The following SH3RF1 variants were observed in gnomAD, a reference collection of about 807,000 sequenced individuals.
SH3RF1 encodes the protein SH3 domain containing ring finger 1.
A neutral mutation model predicts 74.0 loss-of-function variants in SH3RF1; 32 were observed. That is an observed-to-expected ratio of 0.43 (90% CI 0.33 to 0.58). The LOEUF (loss-of-function observed/expected upper bound fraction) is 0.58. Ranked by LOEUF, SH3RF1 falls within the 20% of genes least tolerant of loss-of-function variation. The probability of loss-of-function intolerance (pLI) is 0.05; values close to 1 mark genes in which losing one functional copy is unlikely to be tolerated. For missense variants in SH3RF1, 954 were observed against 1,130.9 expected (o/e 0.84, Z 2.24); for synonymous variants, 396 against 439.6 (o/e 0.90, Z 1.24).
chr4:169,195,807 TTTGTCTTTGC>T (rs1442772552), intron 2 of SH3RF1, among the ~76,000 whole-genome samples: 1 of 152,162 alleles, frequency 6.6e-6, no homozygotes, highest in African/African-American at 2.4e-5. Flanking sequence ...CTCTTGAATT[TTTGTCTTTGC>T]TTGAAAACAG....
chr4:169,250,248 T>C (rs1731078753), intron 2 of SH3RF1, among the ~76,000 whole-genome samples: 1 of 152,160 alleles, frequency 6.6e-6, no homozygotes, highest in Non-Finnish European at 1.5e-5. Flanking sequence ...AAAGGATTTG[T>C]ATTCATTTCT....
intron 2 of SH3RF1, among the ~76,000 whole-genome samples, chr4:169,211,565 G>A (rs1384827221): frequency 6.6e-6 from 1 of 151,792 alleles, no homozygotes; most frequent in African/African-American, 2.4e-5. Context: ...AGAATAAGCA[G>A]GTTATCGCAA....
intron 6 of SH3RF1, among the ~76,000 whole-genome samples, chr4:169,128,912 A>G (rs887025292): frequency 1.3e-5 from 2 of 152,342 alleles, no homozygotes; most frequent in East Asian, 3.8e-4. Context: ...CCGAGCCCAA[A>G]AAGGAGATCA....
At chr4:169,265,504 G>A (rs527712936) in intron 2 of SH3RF1, among the ~76,000 whole-genome samples, 9 of 145,152 alleles carry the variant, frequency 6.2e-5, no homozygotes, top group East Asian at 5.9e-4. Flanking sequence ...ATGGAGTTTC[G>A]CTCTTTTTGG....
Position 169,155,548 on chromosome 4 carries a change from C to T in SH3RF1, c.697G>A (p.Val233Met). Residue 233 changes from valine to methionine, a missense_variant, in exon 4 of 12, where the codon GTG becomes ATG. This residue lies in a region of SH3RF1 where 854 missense variants were observed against 962.5 expected (regional missense o/e 0.89). Coordinates refer to ENST00000284637, the MANE Select transcript of SH3RF1 (RefSeq NM_020870.4). ...ATTCCTTCAGCCCAGTTTTCATCCA[C>T]TCTTCGGATCACAGTCAGAACATCA... ...KDDVLTVIRR[V>M]DENWAEGMLA... 6.2e-7 allele frequency: 1 copy of T among 1,613,678 alleles called. No homozygotes were observed. Among genetic ancestry groups the T allele is most frequent in the Non-Finnish European group, 8.5e-7 (1 of 1,179,614 alleles).
chr4:169,152,513 G>A lies in SH3RF1; in HGVS notation c.765+2967C>T, dbSNP rs1028067708. On this transcript the variant is annotated intron_variant, in intron 4 of 11. Coordinates refer to ENST00000284637, the MANE Select transcript of SH3RF1 (RefSeq NM_020870.4). ...AGCACTTTGGGAGGCAGAGGCAGGC[G>A]GATCACCTAAGGTCAGGAGTTCGAG... 6.6e-4 allele frequency among the ~76,000 whole-genome samples: 101 copies of A among 152,218 alleles called. 1 individual carries two copies. Among genetic ancestry groups the A allele is most frequent in the African/African-American group, 2.3e-3 (96 of 41,548 alleles).
At chr4:169,178,778 T>C (rs1408379244) in intron 2 of SH3RF1, among the ~76,000 whole-genome samples, 1 of 152,190 alleles carries the variant, frequency 6.6e-6, no homozygotes, top group African/African-American at 2.4e-5. Flanking sequence ...CTCAGTCTTT[T>C]CCCATTCTTA....
At chr4:169,249,937 T>C (rs1449579862) in intron 2 of SH3RF1, among the ~76,000 whole-genome samples, 2 of 152,152 alleles carry the variant, frequency 1.3e-5, no homozygotes, top group African/African-American at 4.8e-5. Flanking sequence ...GCCCACAATA[T>C]GGTTGTATTA....
intron 2 of SH3RF1, among the ~76,000 whole-genome samples, chr4:169,187,074 T>G (rs927700481): frequency 3.3e-5 from 5 of 151,958 alleles, no homozygotes; most frequent in African/African-American, 9.7e-5. Context: ...AAGGCTTCTA[T>G]TTTACACAAA....
At chr4:169,129,906 A>T in intron 6 of SH3RF1, 140 bp downstream of exon 6, 3 of 688,648 alleles carry the variant, frequency 4.4e-6, no homozygotes, top group East Asian at 6.0e-5. Flanking sequence ...TAAGATTAAC[A>T]GAGATAATAG....
At chr4:169,108,947 T>C (rs537136975) in intron 10 of SH3RF1, among the ~76,000 whole-genome samples, 1 of 152,336 alleles carries the variant, frequency 6.6e-6, no homozygotes, top group African/African-American at 2.4e-5. Context: ...AAAGGATATG[T>C]TGGATTCCCC....
At chr4:169,131,823 C>T (rs376777943) in intron 5 of SH3RF1, among the ~76,000 whole-genome samples, 97 of 152,320 alleles carry the variant, frequency 6.4e-4, no homozygotes, top group African/African-American at 2.1e-3. Flanking sequence ...CTGTCCTCAA[C>T]CATTGATTGT....
chr4:169,259,522 G>A (rs1022751906), intron 2 of SH3RF1, among the ~76,000 whole-genome samples: 19 of 152,138 alleles, frequency 1.2e-4, no homozygotes, highest in African/African-American at 4.1e-4. Flanking sequence ...AGACATATAC[G>A]CGACAAAAGG....
At position 169,269,161 on chromosome 4, in the gene SH3RF1, G is replaced by A. The variant is rs773149462; in HGVS notation, c.52C>T (p.Arg18Cys). ...AAGACCTTCGCAGAAGCATCAAGGC[G>A]CTCTAGACACACCGGACACTCCAAA... ...DLLECPVCLE[R>C]LDASAKVLPC... Residue 18 changes from arginine to cysteine, a missense_variant, in exon 2 of 12, where the codon CGC becomes TGC. By Grantham distance (180) the Arg-to-Cys change is radical (BLOSUM62 -3). Transcript: ENST00000284637. 3 of 1,610,142 alleles carry A rather than the reference G, an allele frequency of 1.9e-6. No individual in the cohort carries two copies. Among genetic ancestry groups the A allele is most frequent in the South Asian group, 1.1e-5 (1 of 90,968 alleles).
At chr4:169,161,215 T>C (rs1734144159) in intron 2 of SH3RF1, among the ~76,000 whole-genome samples, 1 of 152,252 alleles carries the variant, frequency 6.6e-6, no homozygotes, top group East Asian at 1.9e-4. Context: ...CTGCCAGCTT[T>C]ATCAAAAAGC....
chr4:169,194,852 G>A (rs1263591269), intron 2 of SH3RF1, among the ~76,000 whole-genome samples: 3 of 152,148 alleles, frequency 2.0e-5, no homozygotes, highest in Admixed American at 2.0e-4. Context: ...CACACTTTGT[G>A]GGTATAGTGG....
At chr4:169,176,432 T>C (rs1342677091) in intron 2 of SH3RF1, among the ~76,000 whole-genome samples, 1 of 152,190 alleles carries the variant, frequency 6.6e-6, no homozygotes, top group Non-Finnish European at 1.5e-5. Context: ...GAAATATGAT[T>C]TTAGAATATT....
chr4:169,183,252 A>G (rs1734543429), intron 2 of SH3RF1, among the ~76,000 whole-genome samples: 1 of 152,186 alleles, frequency 6.6e-6, no homozygotes. Flanking sequence ...AAGAGCCGAG[A>G]TTGCATCACT....
chr4:169,105,557 T>G (rs1028038394), intron 11 of SH3RF1, among the ~76,000 whole-genome samples: 1 of 152,220 alleles, frequency 6.6e-6, no homozygotes, highest in Admixed American at 6.5e-5. Context: ...GAGTCAGAAC[T>G]GAGACTGAGA....
Sources: gnomAD v4.1 joint callset for allele counts (sites outside exome capture counted in the v4.1 genomes callset) on GRCh38, gnomAD v4.1.1 for gene constraint, gnomAD v4.1.1 regional missense constraint, MANE v1.5 for transcripts, NCBI Gene and HGNC (gene_info 2026-07-23, HGNC 2026-07-21) for gene names.